Variants in PDE2A observed in about 807,000 individuals in gnomAD.
PDE2A encodes phosphodiesterase 2A, also known as cGMP-dependent 3',5'-cyclic phosphodiesterase.
PDE2A carries 53 observed loss-of-function variants against 133.6 expected under a neutral mutation model. The observed-to-expected ratio is 0.40, with a 90% CI of 0.32 to 0.50. PDE2A has a LOEUF of 0.50. PDE2A is among the 20% of genes least tolerant of loss of function. The pLI is 0.73. For synonymous variants in PDE2A, 491 were observed against 490.2 expected (o/e 1.00, Z -0.02); for missense variants, 796 against 1,232.4 (o/e 0.65, Z 5.30).
chr11:72,633,603 C>T (rs2135421714), intron 2 of PDE2A, among the ~76,000 whole-genome samples: 1 of 152,096 alleles, frequency 6.6e-6, no homozygotes, highest in East Asian at 1.9e-4. Flanking sequence ...TTATGGACCC[C>T]GTGACACGCT....
chr11:72,623,914 TC>T (rs1170093036), intron 2 of PDE2A, among the ~76,000 whole-genome samples: 9 of 151,254 alleles, frequency 6.0e-5, no homozygotes, highest in African/African-American at 2.2e-4. Flanking sequence ...TCTCTCTGCC[TC>T]CCCCTAACTT....
At chr11:72,655,308 C>T (rs916352042) in intron 1 of PDE2A, among the ~76,000 whole-genome samples, 1 of 152,222 alleles carries the variant, frequency 6.6e-6, no homozygotes, top group African/African-American at 2.4e-5. Context: ...CTGCTGCCTC[C>T]CTGCAGCTCC....
chr11:72,603,023 C>T (rs1380546153), intron 4 of PDE2A, among the ~76,000 whole-genome samples: 2 of 152,132 alleles, frequency 1.3e-5, no homozygotes, highest in Non-Finnish European at 2.9e-5. Context: ...GGCCTTCCCC[C>T]AATCCTTTTT....
intron 2 of PDE2A, among the ~76,000 whole-genome samples, chr11:72,618,231 C>T (rs546533626): frequency 5.3e-5 from 8 of 152,340 alleles, no homozygotes; most frequent in East Asian, 3.9e-4. Context: ...GCACTGCCTG[C>T]TCTGGCCTCA....
At chr11:72,612,470 T>C (rs1857255103) in intron 2 of PDE2A, among the ~76,000 whole-genome samples, 1 of 152,140 alleles carries the variant, frequency 6.6e-6, no homozygotes, top group South Asian at 2.1e-4. Context: ...AGAGCCGCAA[T>C]TTCCAATCCT....
rs373775578 is a variant in PDE2A at position 72,578,196 on chromosome 11, T to A, written c.2615+37A>T. 7.6e-7 allele frequency: 1 copy of A among 1,310,550 alleles called. No homozygotes were observed. Among genetic ancestry groups the A allele is most frequent in the Non-Finnish European group, 1.1e-6 (1 of 902,664 alleles). The allele number at this position is 1,310,550 out of a possible 1,614,324, so 81.2% of individuals were successfully genotyped here. A position where few individuals can be genotyped will look rare whatever the true frequency, so the allele number is the denominator to read the frequency against. On this transcript the variant is annotated intron_variant, in intron 30 of 30. Transcript: ENST00000334456. This position sits in a 1 kb window ranked among gnomAD's most constrained non-coding sequence, Gnocchi z 4.2. ...TGTCCCCACTCCAGCCTACCCTCTC[T>A]GTGCAGGGTGCAGCTTGTCCCCATG...
intron 2 of PDE2A, among the ~76,000 whole-genome samples, chr11:72,631,465 T>C (rs994878653): frequency 5.3e-5 from 8 of 152,330 alleles, no homozygotes; most frequent in African/African-American, 1.7e-4. Context: ...CAGGGAGCTC[T>C]ACTAGCCCTC....
At chr11:72,606,114 C>T (rs189627678) in intron 3 of PDE2A, among the ~76,000 whole-genome samples, 1 of 152,002 alleles carries the variant, frequency 6.6e-6, no homozygotes, top group Non-Finnish European at 1.5e-5. Flanking sequence ...GCTCTGGCCT[C>T]AGTTCCAGGC....
chr11:72,615,842 T>A lies in PDE2A; in HGVS notation c.145-7091A>T, dbSNP rs369308720. ...GATTTGGGCACACTGTGAATCAGAG[T>A]CGCGCCACAAAAGAGAGCCTGAGCA... On this transcript the variant is annotated intron_variant, in intron 2 of 30. Transcript: ENST00000334456. Among the ~76,000 whole-genome samples the A allele has an allele frequency of 6.6e-5, 10 of 151,962 alleles. No homozygotes were observed. In the East Asian group the frequency reaches 1.9e-3, roughly 29 times the overall value.
chr11:72,591,496 T>C (rs1216818961), intron 6 of PDE2A, 140 bp from the exon 7 acceptor site: 6 of 669,456 alleles, frequency 9.0e-6, no homozygotes, highest in Admixed American at 4.5e-5. Context: ...GATAACCCCA[T>C]CTTTCTGACC....
chr11:72,652,101 G>A (rs947029713), intron 1 of PDE2A, among the ~76,000 whole-genome samples: 1 of 152,250 alleles, frequency 6.6e-6, no homozygotes, highest in Non-Finnish European at 1.5e-5. Context: ...CTGGGACCAA[G>A]TGACAGGGCA....
At chr11:72,638,340 A>T (rs994042585) in intron 2 of PDE2A, among the ~76,000 whole-genome samples, 5 of 152,220 alleles carry the variant, frequency 3.3e-5, no homozygotes, top group African/African-American at 1.2e-4. Flanking sequence ...CCTACATGGC[A>T]GTTCCAGTCA....
chr11:72,597,817 C>G lies in PDE2A; in HGVS notation c.324-198G>C, dbSNP rs1856557000. 6.6e-6 allele frequency among the ~76,000 whole-genome samples: 1 copy of G among 152,236 alleles called. No individual in the cohort carries two copies. The highest frequency in any genetic ancestry group is 2.1e-4 in the South Asian group (1 of 4,836). ...CCCTATGTGGAGAAACAGGCAGCCA[C>G]AGTTTGGCCTCTGGTGCCCCTTGCT... is the stretch of plus-strand genomic sequence containing the variant. On this transcript the variant is annotated intron_variant, in intron 4 of 30. Transcript: ENST00000334456. The surrounding 1 kb of genome is among the most constrained non-coding windows in gnomAD (Gnocchi z 4.6).
chr11:72,613,838 C>T (rs1482062228), intron 2 of PDE2A, among the ~76,000 whole-genome samples: 2 of 152,190 alleles, frequency 1.3e-5, no homozygotes, highest in Non-Finnish European at 2.9e-5. Context: ...TTCCTGCCTC[C>T]TGTTCCGGTG....
chr11:72,582,659 C>T, intron 20 of PDE2A, 93 bp from the exon 21 acceptor site: 1 of 1,307,918 alleles, frequency 7.6e-7, no homozygotes, highest in Non-Finnish European at 1.1e-6. Flanking sequence ...GGATCCGTCA[C>T]CCAGAATGTA....
intron 2 of PDE2A, among the ~76,000 whole-genome samples, chr11:72,617,610 G>A (rs1343866946): frequency 6.6e-6 from 1 of 152,102 alleles, no homozygotes; most frequent in Non-Finnish European, 1.5e-5. Flanking sequence ...CCAAACCCCA[G>A]GGGGAGGGGG....
Position 72,626,223 on chromosome 11 carries a change from C to G in PDE2A, c.144+16031G>C, listed in dbSNP as rs78625202. ...TGATGGCAGGACCTGCGATGCCCAT[C>G]TCTCTCTTTACTCAGTCAGCCAGGG... On this transcript the variant is annotated intron_variant, in intron 2 of 30. Coordinates refer to ENST00000334456, the MANE Select transcript of PDE2A (RefSeq NM_002599.5). Among the ~76,000 whole-genome samples, 335 of 152,370 alleles carry G rather than the reference C, an allele frequency of 2.2e-3. 3 individuals are homozygous for G. Among genetic ancestry groups the G allele is most frequent in the African/African-American group, 7.7e-3 (322 of 41,590 alleles).
chr11:72,584,210 G>A lies in PDE2A; in HGVS notation c.1641C>T (p.Ser547=), dbSNP rs371602204. ...ATAFSIYCGI[S]IAHSLLYKKV... ...CCAACCCCGCCCTCACATGGGCGAT[G>A]CTGATGCCGCAGTAGATGGAGAAGG... Residue 547 remains serine, a synonymous_variant, in exon 19 of 31, where the codon AGC becomes AGT. Coordinates refer to ENST00000334456, the MANE Select transcript of PDE2A (RefSeq NM_002599.5). 4 of 1,417,092 alleles carry A rather than the reference G, an allele frequency of 2.8e-6. No individual in the cohort carries two copies. Among genetic ancestry groups the A allele is most frequent in the Non-Finnish European group, 3.9e-6 (4 of 1,025,136 alleles). 87.8% of individuals were successfully genotyped at this position (1,417,092 alleles called of 1,614,324 possible). A position where few individuals can be genotyped will look rare whatever the true frequency, so the allele number is the denominator to read the frequency against.
At chr11:72,668,403 C>T (rs1159861381) in intron 1 of PDE2A, 1 of 718,406 alleles carries the variant, frequency 1.4e-6, no homozygotes, top group Admixed American at 2.0e-5. Flanking sequence ...GGTGTGGAAA[C>T]AGTGCTCAGG....
Sources: allele counts gnomAD v4.1 joint callset (sites outside exome capture counted in the v4.1 genomes callset), GRCh38; gene constraint gnomAD v4.1.1; non-coding constraint Gnocchi (gnomAD v3.1); transcripts MANE v1.5; gene names NCBI Gene and HGNC (gene_info 2026-07-23, HGNC 2026-07-21).